The following TPRG1 variants were observed in gnomAD, a reference collection of about 807,000 sequenced individuals.
The protein encoded by TPRG1 is tumor protein p63 regulated 1.
A neutral mutation model predicts 29.3 loss-of-function variants in TPRG1; 29 were observed. That is an observed-to-expected ratio of 0.99 (90% CI 0.74 to 1.35). The LOEUF (loss-of-function observed/expected upper bound fraction) is 1.35, where lower values mean the gene tolerates loss of function less well. Among genes scored for constraint, TPRG1 ranks in the 40% most tolerant of loss-of-function variants. The pLI is 0.00. For synonymous variants in TPRG1, 130 were observed against 116.8 expected, an observed-to-expected ratio of 1.11 and a Z score of -0.73; for missense variants, 327 against 335.0, an observed-to-expected ratio of 0.98 and a Z score of 0.19.
chr3:189,264,563 T>C (rs909575799), intron 4 of TPRG1, among the ~76,000 whole-genome samples: 5 of 152,210 alleles, frequency 3.3e-5, no homozygotes, highest in African/African-American at 9.6e-5. Flanking sequence ...CCTTTCACAC[T>C]TTATTAAAAA....
At chr3:189,232,411 A>G (rs1402532789) in intron 3 of TPRG1, among the ~76,000 whole-genome samples, 1 of 152,218 alleles carries the variant, frequency 6.6e-6, no homozygotes, top group East Asian at 1.9e-4. Flanking sequence ...AACCTTTTTC[A>G]AGGGCATCGA....
chr3:189,299,075 A>ATT (rs1321743272), intron 4 of TPRG1, among the ~76,000 whole-genome samples: 2 of 144,714 alleles, frequency 1.4e-5, no homozygotes, highest in African/African-American at 5.1e-5. Flanking sequence ...TTTTCTGAGA[A>ATT]TTTTTTTTTT....
At chr3:189,295,913 T>TAAA (rs55666008) in intron 4 of TPRG1, among the ~76,000 whole-genome samples, 2 of 97,226 alleles carry the variant, frequency 2.1e-5, no homozygotes, top group African/African-American at 5.0e-5. Flanking sequence ...AATGATGCTT[T>TAAA]AAAAAAAAAA....
At chr3:189,305,892 G>C (rs1212459749) in intron 4 of TPRG1, among the ~76,000 whole-genome samples, 1 of 152,200 alleles carries the variant, frequency 6.6e-6, no homozygotes, top group Non-Finnish European at 1.5e-5. Context: ...CTTACTAGAA[G>C]TAAAGAGTAC....
At chr3:189,088,897 G>A (rs2152177585) in intron 4 of TPRG1, among the ~76,000 whole-genome samples, 1 of 152,196 alleles carries the variant, frequency 6.6e-6, no homozygotes, top group Non-Finnish European at 1.5e-5. Flanking sequence ...AATTACCAAT[G>A]AAGTCACTCC....
chr3:189,095,103 A>G (rs1718588561), intron 4 of TPRG1, among the ~76,000 whole-genome samples: 1 of 152,122 alleles, frequency 6.6e-6, no homozygotes, highest in Non-Finnish European at 1.5e-5. Flanking sequence ...GAGATGACAG[A>G]GAGGTTGTGT....
At position 189,176,195 on chromosome 3, in the gene TPRG1, G is replaced by A. The variant is rs149687458; in HGVS notation, c.-10+4064G>A. ...TTCTCATTTTCATGTGTATGATTGT[G>A]TGTGGGATTGGCTTAGAGTTGTACT... On this transcript the variant is annotated intron_variant, in intron 1 of 5. Coordinates refer to ENST00000345063, the MANE Select transcript of TPRG1 (RefSeq NM_198485.4). 5.4e-3 allele frequency among the ~76,000 whole-genome samples: 825 copies of A among 152,348 alleles called. 4 individuals are homozygous for A. Among genetic ancestry groups the A allele is most frequent in the Middle Eastern group, 0.01 (3 of 294 alleles).
chr3:189,005,203 T>C (rs1712223675), intron 3 of TPRG1, among the ~76,000 whole-genome samples: 2 of 152,156 alleles, frequency 1.3e-5, no homozygotes, highest in Non-Finnish European at 2.9e-5. Context: ...TTTAGAAGTT[T>C]ACATCTGTTC....
At chr3:188,997,597 A>G (rs976498345) in intron 1 of TPRG1, among the ~76,000 whole-genome samples, 4 of 152,192 alleles carry the variant, frequency 2.6e-5, no homozygotes, top group African/African-American at 9.6e-5. Context: ...ATAGTTCTAG[A>G]TAAACTGAGA....
chr3:189,042,878 G>A (rs1714718924), intron 4 of TPRG1, among the ~76,000 whole-genome samples: 1 of 152,146 alleles, frequency 6.6e-6, no homozygotes, highest in South Asian at 2.1e-4. Context: ...GTTGCGTGGT[G>A]GCTCACCAGA....
intron 3 of TPRG1, among the ~76,000 whole-genome samples, chr3:189,014,390 TG>T (rs1219039180): frequency 6.6e-6 from 1 of 152,240 alleles, no homozygotes; most frequent in Non-Finnish European, 1.5e-5. Context: ...GTTAGTCTAC[TG>T]GGCCCCCACT....
At chr3:189,309,066 CT>C (rs58250420) in intron 4 of TPRG1, among the ~76,000 whole-genome samples, 19,548 of 90,424 alleles carry the variant, frequency 0.22, 806 homozygotes, top group African/African-American at 0.28. Context: ...TTCCTATATA[CT>C]TTTTTTTTTT....
intron 4 of TPRG1, among the ~76,000 whole-genome samples, chr3:189,054,653 C>T (rs1002553885): frequency 1.3e-5 from 2 of 151,784 alleles, no homozygotes; most frequent in African/African-American, 4.8e-5. Flanking sequence ...TGTGGTGGTA[C>T]CCATCTGTAG....
At chr3:189,228,540 G>A (rs755185976) in intron 3 of TPRG1, among the ~76,000 whole-genome samples, 13 of 152,076 alleles carry the variant, frequency 8.5e-5, no homozygotes, top group Non-Finnish European at 1.6e-4. Context: ...CATATCAACT[G>A]ATGCAGAGAA....
At chr3:189,206,457 C>A (rs1010803081) in intron 1 of TPRG1, among the ~76,000 whole-genome samples, 3 of 150,052 alleles carry the variant, frequency 2.0e-5, no homozygotes, top group African/African-American at 7.3e-5. Context: ...TTATATATAA[C>A]CTGGTATATT....
In TPRG1 at chr3:189,074,867, A is replaced by G. The variant is rs1007868602; in HGVS notation, c.-463+50921A>G. The stretch of plus-strand genomic sequence containing the variant: ...CGCTCTGTCGCCCAGGCTGGAGTGC[A>G]GTGGCGCGATCTCCGCTCACTGCAA... On this transcript the variant is annotated intron_variant, in intron 4 of 10. Coordinates refer to the TPRG1 transcript ENST00000433971. Among the ~76,000 whole-genome samples the G allele has an allele frequency of 1.1e-4, 16 of 151,336 alleles. No homozygotes were observed. In the East Asian group the frequency reaches 3.1e-3, roughly 30 times the overall value.
At position 189,127,150 on chromosome 3, in the gene TPRG1, C is replaced by T. The variant is rs578218652; in HGVS notation, c.-650C>T. On this transcript the variant is annotated 5_prime_UTR_variant, in exon 2 of 7. Coordinates refer to the TPRG1 transcript ENST00000412373. ...CTGTTCCTCTTCACTCCGTAGAGTC[C>T]TCAGAGTCTGGATCATCCCTTACAG... 2.6e-5 allele frequency: 4 copies of T among 152,284 alleles called. No individual in the cohort carries two copies. In the South Asian group the frequency reaches 8.3e-4, roughly 32 times the overall value. The allele number at this position is 152,284 out of a possible 1,614,324, so 9.4% of individuals were successfully genotyped here.
chr3:189,173,105 A>G (rs917627809), intron 1 of TPRG1, among the ~76,000 whole-genome samples: 8 of 152,142 alleles, frequency 5.3e-5, no homozygotes, highest in African/African-American at 9.7e-5. Context: ...ACTTTTTAAG[A>G]TGCTAATTTT....
chr3:189,188,733 G>A (rs1731283622), intron 1 of TPRG1, among the ~76,000 whole-genome samples: 1 of 152,086 alleles, frequency 6.6e-6, no homozygotes. Context: ...GGCCTGCATA[G>A]CACTTTCATA....
Sources: gnomAD v4.1 joint callset for allele counts (sites outside exome capture counted in the v4.1 genomes callset) on GRCh38, gnomAD v4.1.1 for gene constraint, MANE v1.5 for transcripts, NCBI Gene and HGNC (gene_info 2026-07-23, HGNC 2026-07-21) for gene names.